HELZ: variants seen among roughly 807,000 people sequenced by gnomAD.
HELZ encodes the protein ATP-dependent RNA helicase with zinc finger domain.
HELZ carries 23 observed loss-of-function variants against 218.2 expected under a neutral mutation model. The ratio of observed to expected loss-of-function variants is 0.11; its 90% CI spans 0.08 to 0.15. HELZ has a LOEUF of 0.15. Among genes scored for constraint, HELZ ranks in the 10% least tolerant of loss-of-function variants. The pLI, the probability that HELZ is intolerant of heterozygous loss-of-function variation, is 1.00. For missense variants in HELZ, 1,813 were observed against 2,353.7 expected, an observed-to-expected ratio of 0.77 and a Z score of 4.75; for synonymous variants, 814 against 829.4, an observed-to-expected ratio of 0.98 and a Z score of 0.32.
intron 15 of HELZ, among the ~76,000 whole-genome samples, chr17:67,163,654 G>A (rs751230387): frequency 4.6e-5 from 7 of 151,860 alleles, no homozygotes; most frequent in East Asian, 3.9e-4. Context: ...CACCCACCTC[G>A]GCCTCCCAAA....
chr17:67,191,215 A>C (rs1012075583), intron 9 of HELZ, among the ~76,000 whole-genome samples: 2 of 152,176 alleles, frequency 1.3e-5, no homozygotes, highest in Admixed American at 1.3e-4. Context: ...TCTTTTCTAC[A>C]TTACTATTAC....
intron 9 of HELZ, 50 bp from the exon 10 acceptor site, chr17:67,190,405 T>A: frequency 1.4e-6 from 2 of 1,418,072 alleles, no homozygotes; most frequent in Non-Finnish European, 9.9e-7. Context: ...TTGAACCATT[T>A]AAAAATAAAC....
intron 2 of HELZ, among the ~76,000 whole-genome samples, chr17:67,241,866 C>A (rs1389289975): frequency 2.6e-5 from 4 of 152,192 alleles, no homozygotes; most frequent in African/African-American, 9.6e-5. Context: ...TATGGCATTT[C>A]CCATTTTAGA....
intron 24 of HELZ, among the ~76,000 whole-genome samples, chr17:67,126,003 A>C (rs2037783766): frequency 6.6e-6 from 1 of 152,186 alleles, no homozygotes. Context: ...GTCACCAAGG[A>C]AACAAGAACA....
In HELZ at chr17:67,109,596, G is replaced by C. The variant is rs1257279498; in HGVS notation, c.4009C>G (p.Leu1337Val). The change falls in exon 29 of 33, where the codon CTC becomes GTC. Residue 1337 changes from leucine (L) to valine (V), a missense_variant. Leu to Val is a conservative substitution (Grantham distance 32). Around this residue, in one of 4 missense-constraint regions of HELZ, gnomAD observed 938 missense variants for 1,027.5 expected, o/e 0.91. Coordinates refer to ENST00000358691, the MANE Select transcript of HELZ (RefSeq NM_014877.4). The stretch of plus-strand genomic sequence containing the variant: ...GGAAGATTTATGTGTCTTGGGTTGA[G>C]ATTATCTTTGCGAGGAAATTTGGTA... ...PSTKFPRKDNLNPRHINLPLP... is the reference protein window; with the variant it reads ...PSTKFPRKDNVNPRHINLPLP... 6 of 1,614,160 alleles carry C rather than the reference G, an allele frequency of 3.7e-6. No individual in the cohort carries two copies. In the South Asian group the frequency reaches 5.5e-5, roughly 15 times the overall value.
intron 3 of HELZ, among the ~76,000 whole-genome samples, chr17:67,220,653 GTTATT>G (rs1193032719): frequency 3.3e-5 from 5 of 151,782 alleles, no homozygotes; most frequent in East Asian, 1.9e-4. Flanking sequence ...CCGCTAAATC[GTTATT>G]TTATTTTATT....
intron 27 of HELZ, among the ~76,000 whole-genome samples, chr17:67,118,815 A>T (rs1258236148): frequency 6.6e-6 from 1 of 152,064 alleles, no homozygotes; most frequent in Non-Finnish European, 1.5e-5. Context: ...AAGACAATCA[A>T]CCCAATAAAA....
rs60076524 is a variant in HELZ, at chr17:67,206,598, CTTTTT to C, written c.248-3160_248-3156del. Among the ~76,000 whole-genome samples the C allele has an allele frequency of 1.7e-4, 24 of 137,836 alleles. No homozygotes were observed. In the South Asian group the frequency reaches 5.6e-3, roughly 32 times the overall value. 90.4% of individuals were successfully genotyped at this position (137,836 alleles called of 152,430 possible). A position where few individuals can be genotyped will look rare whatever the true frequency, so the allele number is the denominator to read the frequency against. ...TTTCAGTAATATGACCATATTAGGA[CTTTTT>C]TTTTTTTTTTTTAAGACGGAGTTTC... On this transcript the variant is annotated intron_variant, in intron 5 of 32. Transcript: ENST00000358691.
At chr17:67,138,501 G>A (rs1190535728) in intron 21 of HELZ, among the ~76,000 whole-genome samples, 4 of 152,098 alleles carry the variant, frequency 2.6e-5, no homozygotes, top group Non-Finnish European at 4.4e-5. Flanking sequence ...TCCAGATCAG[G>A]CCAATGAAAC....
chr17:67,108,748 A>G lies in HELZ; in HGVS notation c.4490-22T>C. ...CGATCTGCAAAAATATTTGTGAAAA[A>G]TTTTTTATGAATTTGGGGTTTCAAG... On this transcript the variant is annotated intron_variant, in intron 29 of 32. Transcript: ENST00000358691. This position sits in a 1 kb window ranked among gnomAD's most constrained non-coding sequence, Gnocchi z 4.1. 6.6e-7 allele frequency: 1 copy of G among 1,523,620 alleles called. No homozygotes were observed. 94.4% of individuals were successfully genotyped at this position (1,523,620 alleles called of 1,614,324 possible).
intron 23 of HELZ, among the ~76,000 whole-genome samples, chr17:67,135,156 A>G (rs1056908487): frequency 6.6e-6 from 1 of 152,148 alleles, no homozygotes; most frequent in Non-Finnish European, 1.5e-5. Context: ...CCTTAAAACT[A>G]AAGTCTAATG....
intron 23 of HELZ, among the ~76,000 whole-genome samples, chr17:67,135,153 AC>A (rs1205262017): frequency 1.3e-5 from 2 of 152,152 alleles, no homozygotes; most frequent in Admixed American, 6.6e-5. Flanking sequence ...GTTCCTTAAA[AC>A]TAAAGTCTAA....
At chr17:67,227,008 G>T (rs534448881) in intron 3 of HELZ, among the ~76,000 whole-genome samples, 1 of 152,220 alleles carries the variant, frequency 6.6e-6, no homozygotes, top group Non-Finnish European at 1.5e-5. Flanking sequence ...AACTATAAAA[G>T]AATAGCATGA....
rs1439262555 is a variant in HELZ, at chr17:67,077,893, A to T, written c.*359T>A. On this transcript the variant is annotated 3_prime_UTR_variant, in exon 33 of 33. Transcript: ENST00000358691. ...TTGAATAAATGTAAATGCTACTTACAATTTTTTTTTCTTTTTAAATACATT... is the reference window on the plus strand; with the variant it reads ...TTGAATAAATGTAAATGCTACTTACTATTTTTTTTTCTTTTTAAATACATT... 6.4e-6 allele frequency: 1 copy of T among 155,226 alleles called. No individual in the cohort carries two copies. Among genetic ancestry groups the T allele is most frequent in the Non-Finnish European group, 1.4e-5 (1 of 70,540 alleles). 9.6% of individuals were successfully genotyped at this position (155,226 alleles called of 1,614,324 possible). A position where few individuals can be genotyped will look rare whatever the true frequency, so the allele number is the denominator to read the frequency against.
At chr17:67,208,761 A>G (rs577368445) in intron 5 of HELZ, among the ~76,000 whole-genome samples, 15 of 147,240 alleles carry the variant, frequency 1.0e-4, no homozygotes, top group Non-Finnish European at 2.1e-4. Context: ...TACAAAACAG[A>G]AAACAAAACA....
intron 25 of HELZ, among the ~76,000 whole-genome samples, 176 bp from the exon 26 acceptor site, chr17:67,123,336 A>C (rs2037677361): frequency 6.6e-6 from 1 of 152,206 alleles, no homozygotes; most frequent in Non-Finnish European, 1.5e-5. Flanking sequence ...AAATTTTTAT[A>C]ATGCTCCCTA....
At chr17:67,151,958 G>A (rs2038696863) in intron 17 of HELZ, among the ~76,000 whole-genome samples, 1 of 152,168 alleles carries the variant, frequency 6.6e-6, no homozygotes, top group African/African-American at 2.4e-5. Flanking sequence ...CACACAGGCA[G>A]ATCACATAGG....
At chr17:67,103,466 G>T (rs2036990561) in intron 31 of HELZ, among the ~76,000 whole-genome samples, 1 of 152,012 alleles carries the variant, frequency 6.6e-6, no homozygotes, top group Non-Finnish European at 1.5e-5. Context: ...ATCAAAAAAT[G>T]AAATTAAGAA....
chr17:67,213,832 G>T (rs1004257555), intron 5 of HELZ, among the ~76,000 whole-genome samples: 3 of 152,104 alleles, frequency 2.0e-5, no homozygotes, highest in Non-Finnish European at 2.9e-5. Context: ...TCCACGCCAT[G>T]GAAAATTAAG....
Sources: gnomAD v4.1 joint callset for allele counts (sites outside exome capture counted in the v4.1 genomes callset) on GRCh38, gnomAD v4.1.1 for gene constraint, gnomAD v4.1.1 regional missense constraint, Gnocchi (gnomAD v3.1) non-coding constraint, MANE v1.5 for transcripts, NCBI Gene and HGNC (gene_info 2026-07-23, HGNC 2026-07-21) for gene names.